SIRPD: variants seen among roughly 807,000 people sequenced by gnomAD.
SIRPD encodes signal-regulatory protein delta.
SIRPD carries 21 observed loss-of-function variants against 18.0 expected under a neutral mutation model. The ratio of observed to expected loss-of-function variants is 1.17; its 90% CI spans 0.83 to 1.68. SIRPD has a LOEUF of 1.68. Ranked by LOEUF, SIRPD falls within the 40% of genes most tolerant of loss-of-function variation. The probability of loss-of-function intolerance (pLI) is 0.00; values close to 1 mark genes in which losing one functional copy is unlikely to be tolerated. For synonymous variants in SIRPD, 106 were observed against 92.9 expected (o/e 1.14, Z -0.81); for missense variants, 295 against 238.4 (o/e 1.24, Z -1.56).
In SIRPD at chr20:1,548,877, G is replaced by A. The variant is rs61215418; in HGVS notation, c.421+2814C>T. Among the ~76,000 whole-genome samples, 1,388 of 152,104 alleles carry A rather than the reference G, an allele frequency of 9.1e-3. 22 individuals are homozygous for A. The highest frequency in any genetic ancestry group is 0.033 in the African/African-American group (1,354 of 41,506). ...AGTCTCCGGTCCAGCTGACTAAATAGACTTGAGAAGTTTTCAGCTATTCTT... is the reference window on the plus strand; with the variant it reads ...AGTCTCCGGTCCAGCTGACTAAATAAACTTGAGAAGTTTTCAGCTATTCTT... On this transcript the variant is annotated intron_variant, in intron 2 of 3. Transcript: ENST00000381623.
chr20:1,551,838 T>C lies in SIRPD; in HGVS notation c.274A>G (p.Thr92Ala). The change falls in exon 2 of 4, where the codon ACC (threonine) becomes GCC (alanine). Residue 92 changes from threonine to alanine, a missense_variant. Coordinates refer to ENST00000381623, the MANE Select transcript of SIRPD (RefSeq NM_178460.3). ...NFPRVKEIGD[T>A]TKPGNTDFST... is the part of the protein sequence containing the mutation. ...AAGTCTGTGTTGCCAGGCTTGGTGG[T>C]GTCTCCAATCTCTTTTACTCTGGGA... 1.9e-6 allele frequency: 3 copies of C among 1,614,146 alleles called. No homozygotes were observed. Among genetic ancestry groups the C allele is most frequent in the Non-Finnish European group, 2.5e-6 (3 of 1,179,988 alleles).
At chr20:1,546,992 C>T (rs6079555) in intron 2 of SIRPD, among the ~76,000 whole-genome samples, 1 of 152,052 alleles carries the variant, frequency 6.6e-6, no homozygotes, top group Non-Finnish European at 1.5e-5. Context: ...TGATAATGTC[C>T]TTTGAAGCAT....
Position 1,552,023 on chromosome 20 carries a change from A to G in SIRPD, c.89T>C (p.Phe30Ser). 1 of 1,612,352 alleles carries G rather than the reference A, an allele frequency of 6.2e-7. No homozygotes were observed. The highest frequency in any genetic ancestry group is 8.5e-7 in the Non-Finnish European group (1 of 1,178,736). Residue 30 changes from phenylalanine to serine, a missense_variant, in exon 2 of 4, where the codon TTC (phenylalanine) becomes TCC (serine). Phe to Ser is a radical substitution (Grantham distance 155). Coordinates refer to ENST00000381623, the MANE Select transcript of SIRPD (RefSeq NM_178460.3). ...TGACATCTCCGTTTGTTGCACATGG[A>G]ACACATGTGTGACTCCTGGAAAAAA... ...LLELAGVTHV[F>S]HVQQTEMSQT...
chr20:1,549,702 T>G (rs2123143042), intron 2 of SIRPD, among the ~76,000 whole-genome samples: 1 of 152,232 alleles, frequency 6.6e-6, no homozygotes, highest in East Asian at 1.9e-4. Context: ...TGATATGCCC[T>G]TAATACTATT....
chr20:1,547,167 T>A (rs2090997253), intron 2 of SIRPD, among the ~76,000 whole-genome samples: 1 of 152,196 alleles, frequency 6.6e-6, no homozygotes, highest in South Asian at 2.1e-4. Flanking sequence ...TTCAAACCAT[T>A]TTGAGTTAAT....
intron 1 of SIRPD, among the ~76,000 whole-genome samples, chr20:1,556,413 T>C (rs575688999): frequency 3.1e-4 from 47 of 152,328 alleles, no homozygotes; most frequent in African/African-American, 1.1e-3. Flanking sequence ...CAGACAGATA[T>C]AAATGCAGTA....
chr20:1,554,072 T>C (rs549884933), intron 1 of SIRPD: 2 of 152,600 alleles, frequency 1.3e-5, no homozygotes, highest in East Asian at 1.9e-4. Flanking sequence ...AATGGAATAG[T>C]CAGTTTGATC....
chr20:1,539,599 C>T (rs73076985), intron 2 of SIRPD, among the ~76,000 whole-genome samples: 7,438 of 152,310 alleles, frequency 0.049, 244 homozygotes, highest in Non-Finnish European at 0.075. Flanking sequence ...TCTCCAGCTC[C>T]TGGCATTCAC....
At chr20:1,536,750 C>T (rs1465828544) in intron 3 of SIRPD, among the ~76,000 whole-genome samples, 2 of 152,158 alleles carry the variant, frequency 1.3e-5, no homozygotes, top group African/African-American at 4.8e-5. Flanking sequence ...ATGACAGCAT[C>T]CCTGTCTCCC....
At chr20:1,557,494 G>C (rs1311267500) in intron 1 of SIRPD, 87 bp downstream of exon 1, 2 of 1,210,392 alleles carry the variant, frequency 1.7e-6, no homozygotes, top group African/African-American at 3.1e-5. Flanking sequence ...CCTCCCAAAA[G>C]AAATTCTATG....
chr20:1,543,840 C>A (rs2090982389), intron 2 of SIRPD, among the ~76,000 whole-genome samples: 1 of 152,148 alleles, frequency 6.6e-6, no homozygotes, highest in Non-Finnish European at 1.5e-5. Flanking sequence ...GTTTCAAAAA[C>A]TTATTTATTT....
chr20:1,556,938 A>C (rs913251814), intron 1 of SIRPD, among the ~76,000 whole-genome samples: 4 of 152,204 alleles, frequency 2.6e-5, no homozygotes, highest in Admixed American at 2.6e-4. Context: ...TAAAAAACTG[A>C]ATTTCACAGA....
At chr20:1,546,343 A>G (rs923118873) in intron 2 of SIRPD, among the ~76,000 whole-genome samples, 2 of 152,208 alleles carry the variant, frequency 1.3e-5, no homozygotes, top group African/African-American at 4.8e-5. Context: ...TAGAGAGAAT[A>G]AGTGACCTTT....
chr20:1,546,766 T>G (rs2090995431), intron 2 of SIRPD, among the ~76,000 whole-genome samples: 1 of 152,216 alleles, frequency 6.6e-6, no homozygotes, highest in Non-Finnish European at 1.5e-5. Flanking sequence ...TGATTTTTGA[T>G]TTTAGCTATC....
intron 2 of SIRPD, chr20:1,540,303 T>G (rs1373419881): frequency 2.2e-6 from 1 of 455,984 alleles, no homozygotes; most frequent in African/African-American, 2.0e-5. Flanking sequence ...GAGATGCAGA[T>G]TTCAGACTTC....
In SIRPD at chr20:1,551,979, C is replaced by T; in HGVS notation, c.133G>A (p.Glu45Lys). Reference sequence around the variant, plus strand: ...ACGCTGCAACTCAAGATGATTGACTCCCCAGTTGATACAGTCTGTGACATC... The same window carrying T: ...ACGCTGCAACTCAAGATGATTGACTTCCCAGTTGATACAGTCTGTGACATC... The part of the protein sequence containing the change: ...TEMSQTVSTG[E>K]SIILSCSVPN... Residue 45 changes from glutamate to lysine, a missense_variant, in exon 2 of 4, where the codon GAG becomes AAG. Glu to Lys is a moderately conservative substitution (Grantham distance 56, BLOSUM62 1). Transcript: ENST00000381623. 1.2e-6 allele frequency: 2 copies of T among 1,613,902 alleles called. No homozygotes were observed. The highest frequency in any genetic ancestry group is 1.7e-6 in the Non-Finnish European group (2 of 1,179,838).
chr20:1,534,628 T>C (rs1487173592), intron 3 of SIRPD, among the ~76,000 whole-genome samples, 187 bp from the exon 4 acceptor site: 1 of 152,190 alleles, frequency 6.6e-6, no homozygotes, highest in Non-Finnish European at 1.5e-5. Flanking sequence ...ACACGATCTC[T>C]CTAGATGGCA....
At chr20:1,538,815 A>T (rs1282398843) in intron 2 of SIRPD, among the ~76,000 whole-genome samples, 2 of 152,246 alleles carry the variant, frequency 1.3e-5, no homozygotes, top group Admixed American at 6.5e-5. Context: ...CAGTTGAGTC[A>T]TCCCCAGGTG....
At chr20:1,548,600 A>T (rs1028565189) in intron 2 of SIRPD, among the ~76,000 whole-genome samples, 11 of 151,974 alleles carry the variant, frequency 7.2e-5, no homozygotes, top group Non-Finnish European at 1.5e-4. Flanking sequence ...TCTGGTGTCG[A>T]TATCAGGGTA....
Sources: gnomAD v4.1 joint callset for allele counts (sites outside exome capture counted in the v4.1 genomes callset) on GRCh38, gnomAD v4.1.1 for gene constraint, MANE v1.5 for transcripts, NCBI Gene and HGNC (gene_info 2026-07-23, HGNC 2026-07-21) for gene names.